CYP19A1: variants seen among roughly 807,000 people sequenced by gnomAD.
CYP19A1 encodes the protein cytochrome P450 family 19 subfamily A member 1, also known as aromatase.
Under a neutral mutation model 44.4 loss-of-function variants are expected in CYP19A1, and 32 were observed. The ratio of observed to expected loss-of-function variants is 0.72; its 90% CI spans 0.54 to 0.97. CYP19A1 has a LOEUF of 0.97. Ranked by LOEUF, CYP19A1 falls within the 50% of genes least tolerant of loss-of-function variation. CYP19A1 has a pLI of 0.00. For missense variants in CYP19A1, 598 were observed against 637.8 expected (o/e 0.94, Z 0.67); for synonymous variants, 212 against 215.6 (o/e 0.98, Z 0.14).
intron 1 of CYP19A1, among the ~76,000 whole-genome samples, chr15:51,246,996 C>T (rs1390322811): frequency 1.3e-5 from 2 of 152,328 alleles, no homozygotes; most frequent in Non-Finnish European, 2.9e-5. Context: ...AGAGCTGACA[C>T]GTGACCTTAC....
At chr15:51,316,565 TC>T (rs1230226796) in intron 1 of CYP19A1, among the ~76,000 whole-genome samples, 1 of 152,066 alleles carries the variant, frequency 6.6e-6, no homozygotes, top group Non-Finnish European at 1.5e-5. Context: ...TCTCCCAGTC[TC>T]CCCTATCAAT....
At chr15:51,222,287 C>A in intron 5 of CYP19A1, 62 bp downstream of exon 5, 2 of 1,613,108 alleles carry the variant, frequency 1.2e-6, no homozygotes, top group South Asian at 2.2e-5. Flanking sequence ...TCTGTTATCC[C>A]TCCTAGCTCC....
intron 1 of CYP19A1, among the ~76,000 whole-genome samples, chr15:51,284,499 T>C (rs988122579): frequency 3.3e-5 from 5 of 152,196 alleles, no homozygotes; most frequent in African/African-American, 1.2e-4. Flanking sequence ...TGTCAATTTA[T>C]GGGGAAGAGA....
intron 8 of CYP19A1, among the ~76,000 whole-genome samples, chr15:51,214,404 A>G (rs2141039929): frequency 6.6e-6 from 1 of 152,252 alleles, no homozygotes; most frequent in South Asian, 2.1e-4. Flanking sequence ...TCCCCTGCAG[A>G]GGGCAGGGGA....
rs138237348 is a variant in CYP19A1, at chr15:51,307,687, T to G, written c.-39+30808A>C. On this transcript the variant is annotated intron_variant, in intron 1 of 9. Transcript: ENST00000396402. ...TTGGTTCCCAGCTAAGCTGTCAACT[T>G]CTGGGTTTGCCTCAATTTCCTTCTC... Among the ~76,000 whole-genome samples, 183 of 152,330 alleles carry G rather than the reference T, an allele frequency of 1.2e-3. 1 individual carries two copies. The highest frequency in any genetic ancestry group is 4.0e-3 in the African/African-American group (168 of 41,580).
chr15:51,212,760 A>T (rs1370996800), intron 8 of CYP19A1, among the ~76,000 whole-genome samples, 199 bp from the exon 9 acceptor site: 2 of 152,224 alleles, frequency 1.3e-5, no homozygotes, highest in Non-Finnish European at 2.9e-5. Context: ...TTCAGATATG[A>T]AGCCAATTAC....
intron 6 of CYP19A1, among the ~76,000 whole-genome samples, chr15:51,217,150 G>C (rs2031652708): frequency 6.6e-6 from 1 of 152,168 alleles, no homozygotes; most frequent in African/African-American, 2.4e-5. Flanking sequence ...TTCCTAGTAG[G>C]CTGAGAATGC....
intron 1 of CYP19A1, among the ~76,000 whole-genome samples, chr15:51,322,707 G>A (rs2036547105): frequency 6.6e-6 from 1 of 152,092 alleles, no homozygotes; most frequent in Non-Finnish European, 1.5e-5. Flanking sequence ...TTTTGCAAGT[G>A]CATTTAACTG....
intron 1 of CYP19A1, chr15:51,318,593 T>C (rs1169473606): frequency 1.3e-5 from 2 of 152,242 alleles, no homozygotes; most frequent in African/African-American, 2.4e-5. Context: ...GCCTCTGCCT[T>C]CTGTGACCTC....
intron 3 of CYP19A1, among the ~76,000 whole-genome samples, chr15:51,235,096 G>A (rs1450941867): frequency 6.6e-6 from 1 of 152,148 alleles, no homozygotes; most frequent in Non-Finnish European, 1.5e-5. Flanking sequence ...GTGCTTCCAG[G>A]ATATTTGTGA....
intron 1 of CYP19A1, among the ~76,000 whole-genome samples, chr15:51,310,775 A>G (rs2141011819): frequency 6.6e-6 from 1 of 152,328 alleles, no homozygotes; most frequent in East Asian, 1.9e-4. Flanking sequence ...AGGACCAGGA[A>G]AAGGAGCTGG....
intron 1 of CYP19A1, among the ~76,000 whole-genome samples, chr15:51,298,735 A>G (rs1011153478): frequency 6.6e-6 from 1 of 152,196 alleles, no homozygotes; most frequent in East Asian, 1.9e-4. Flanking sequence ...AACTCTTAGC[A>G]TTGGTAGTTT....
intron 1 of CYP19A1, among the ~76,000 whole-genome samples, chr15:51,305,201 C>A (rs148668705): frequency 6.6e-6 from 1 of 152,006 alleles, no homozygotes; most frequent in East Asian, 1.9e-4. Flanking sequence ...CGCCCGGCCA[C>A]GTCTCTTCCT....
chr15:51,260,542 G>A (rs1437105387), intron 1 of CYP19A1, among the ~76,000 whole-genome samples: 1 of 152,156 alleles, frequency 6.6e-6, no homozygotes, highest in Non-Finnish European at 1.5e-5. Flanking sequence ...GGTGTCTCAG[G>A]CTATCCCAAA....
chr15:51,256,301 A>T (rs1445745394), intron 1 of CYP19A1, among the ~76,000 whole-genome samples: 3 of 152,218 alleles, frequency 2.0e-5, no homozygotes, highest in African/African-American at 7.2e-5. Flanking sequence ...ACTATACAAG[A>T]TTCCTTTTAC....
intron 1 of CYP19A1, among the ~76,000 whole-genome samples, chr15:51,337,334 T>C (rs2036793068): frequency 6.6e-6 from 1 of 152,194 alleles, no homozygotes; most frequent in Non-Finnish European, 1.5e-5. Context: ...GCACACACAG[T>C]GTAAGTCTCA....
chr15:51,244,168 T>G (rs944234099), intron 1 of CYP19A1, among the ~76,000 whole-genome samples: 2 of 152,232 alleles, frequency 1.3e-5, no homozygotes, highest in African/African-American at 4.8e-5. Flanking sequence ...CATAAAATAT[T>G]GTAATCGGCA....
Position 51,242,915 on chromosome 15 carries a change from T to G in CYP19A1, c.-3A>C. On this transcript the variant is annotated 5_prime_UTR_variant, in exon 2 of 10. Coordinates refer to ENST00000396402, the MANE Select transcript of CYP19A1 (RefSeq NM_000103.4). Reference sequence around the variant, plus strand: ...GGGTTCAGCATTTCCAAAACCATCTTGTGTTCCTTGACCTCAGAGGGGGCA... The same window carrying G: ...GGGTTCAGCATTTCCAAAACCATCTGGTGTTCCTTGACCTCAGAGGGGGCA... 1 of 1,608,204 alleles carries G rather than the reference T, an allele frequency of 6.2e-7. No individual in the cohort carries two copies. Among genetic ancestry groups the G allele is most frequent in the African/African-American group, 1.3e-5 (1 of 74,900 alleles).
At chr15:51,335,253 C>T (rs2036758827) in intron 1 of CYP19A1, among the ~76,000 whole-genome samples, 1 of 152,322 alleles carries the variant, frequency 6.6e-6, no homozygotes, top group East Asian at 1.9e-4. Flanking sequence ...TTCACAACCA[C>T]AGACAGCTCC....
Sources: gnomAD v4.1 joint callset for allele counts (sites outside exome capture counted in the v4.1 genomes callset) on GRCh38, gnomAD v4.1.1 for gene constraint, MANE v1.5 for transcripts, NCBI Gene and HGNC (gene_info 2026-07-23, HGNC 2026-07-21) for gene names.